Variants in SNX27 observed in about 807,000 individuals in gnomAD.
SNX27 encodes the protein sorting nexin-27.
SNX27 carries 22 observed loss-of-function variants against 71.6 expected under a neutral mutation model. The observed-to-expected ratio is 0.31, with a 90% CI of 0.22 to 0.44. The LOEUF is 0.44. SNX27 is among the 20% of genes least tolerant of loss of function. SNX27 has a pLI of 1.00. For synonymous variants in SNX27, 269 were observed against 277.2 expected (o/e 0.97, Z 0.29); for missense variants, 531 against 698.6 (o/e 0.76, Z 2.70).
At chr1:151,673,468 C>A (rs1440688075) in intron 7 of SNX27, among the ~76,000 whole-genome samples, 1 of 152,108 alleles carries the variant, frequency 6.6e-6, no homozygotes, top group African/African-American at 2.4e-5. Context: ...TGAGAATGAT[C>A]TCTGTGCTGA....
chr1:151,693,920 C>T, intron 11 of SNX27: 2 of 1,363,916 alleles, frequency 1.5e-6, no homozygotes, highest in Non-Finnish European at 9.4e-7. Context: ...TGCTTTACTG[C>T]TGTCTGTATG....
rs115742452 is a variant in SNX27 at position 151,691,686 on chromosome 1, C to A, written c.1240-749C>A. On this transcript the variant is annotated intron_variant, in intron 8 of 11. Transcript: ENST00000458013. ...AGGCTGCAGTGAGACATGGTCATGC[C>A]ACTGCACTCCATCGAGACGGGGTTT... Among the ~76,000 whole-genome samples the A allele has an allele frequency of 3.0e-3, 463 of 151,868 alleles. 1 individual carries two copies. The highest frequency in any genetic ancestry group is 0.011 in the African/African-American group (445 of 41,428).
Position 151,696,161 on chromosome 1 carries a change from A to G in SNX27, c.*1744A>G, listed in dbSNP as rs1343481094. The G allele has an allele frequency of 6.6e-6, 1 of 152,234 alleles. No individual in the cohort carries two copies. The highest frequency in any genetic ancestry group is 1.5e-5 in the Non-Finnish European group (1 of 68,042). The allele number at this position is 152,234 out of a possible 1,614,324, so 9.4% of individuals were successfully genotyped here. A position where few individuals can be genotyped will look rare whatever the true frequency, so the allele number is the denominator to read the frequency against. Reference sequence around the variant, plus strand: ...GCAGCTAGACCCTTTGAGACTTAAGAGCTGCATCCCAGGATCAGAAGCCAG... The same window carrying G: ...GCAGCTAGACCCTTTGAGACTTAAGGGCTGCATCCCAGGATCAGAAGCCAG... On this transcript the variant is annotated 3_prime_UTR_variant, in exon 12 of 12. Coordinates refer to ENST00000458013, the MANE Select transcript of SNX27 (RefSeq NM_001330723.2).
chr1:151,667,143 G>A (rs1423765138), intron 6 of SNX27: 1 of 150,762 alleles, frequency 6.6e-6, no homozygotes, highest in African/African-American at 2.4e-5. Flanking sequence ...GTCCAAGCTA[G>A]GAGGCTGAGG....
intron 6 of SNX27, among the ~76,000 whole-genome samples, chr1:151,668,146 T>C (rs1325131510): frequency 6.6e-6 from 1 of 152,142 alleles, no homozygotes; most frequent in Non-Finnish European, 1.5e-5. Flanking sequence ...TGTGTAGAGA[T>C]CACATTAGGC....
chr1:151,672,475 T>C (rs1340904362), intron 7 of SNX27, among the ~76,000 whole-genome samples: 1 of 152,124 alleles, frequency 6.6e-6, no homozygotes, highest in Non-Finnish European at 1.5e-5. Context: ...TGTCTTTGTC[T>C]GGTTTTGGTA....
rs1459473134 is a variant in SNX27, at chr1:151,683,435, A to G, written c.1229A>G (p.Lys410Arg). ...TTACAGAAGCTATACGAACAAAGAAAAATGGTCATGGTAAGTTTATGTCCC... is the reference window on the plus strand; with the variant it reads ...TTACAGAAGCTATACGAACAAAGAAGAATGGTCATGGTAAGTTTATGTCCC... ...YQLQKLYEQR[K>R]MVMYLNMLRT... The change falls in exon 8 of 12, where the codon AAA (lysine) becomes AGA (arginine). Residue 410 changes from lysine (K) to arginine (R), a missense_variant. This residue lies in a region of SNX27 where 157 missense variants were observed against 178.4 expected (regional missense o/e 0.88). Coordinates refer to ENST00000458013, the MANE Select transcript of SNX27 (RefSeq NM_001330723.2). 11 of 1,613,140 alleles carry G rather than the reference A, an allele frequency of 6.8e-6. No homozygotes were observed. The highest frequency in any genetic ancestry group is 9.3e-6 in the Non-Finnish European group (11 of 1,179,586).
At chr1:151,615,623 C>T (rs1667391540) in intron 1 of SNX27, 1 of 898,900 alleles carries the variant, frequency 1.1e-6, no homozygotes, top group Non-Finnish European at 1.3e-6. Flanking sequence ...CAGGTGGGGT[C>T]AGAATTAGGG....
At chr1:151,675,186 T>C (rs1381234609) in intron 7 of SNX27, among the ~76,000 whole-genome samples, 1 of 152,106 alleles carries the variant, frequency 6.6e-6, no homozygotes, top group South Asian at 2.1e-4. Flanking sequence ...TTACTACTTA[T>C]ATATCCGTGT....
intron 7 of SNX27, among the ~76,000 whole-genome samples, chr1:151,674,854 T>G (rs1292401552): frequency 3.3e-5 from 5 of 152,018 alleles, no homozygotes; most frequent in Admixed American, 3.3e-4. Context: ...ACCCAGCTAA[T>G]TTTTGTATTT....
chr1:151,642,216 G>A (rs113840270), intron 2 of SNX27, among the ~76,000 whole-genome samples: 2 of 151,486 alleles, frequency 1.3e-5, no homozygotes, highest in Admixed American at 6.6e-5. Flanking sequence ...GTGAAACCCC[G>A]TCTCTACTAA....
intron 8 of SNX27, 43 bp from the exon 9 acceptor site, chr1:151,692,392 C>G: frequency 6.8e-7 from 1 of 1,474,608 alleles, no homozygotes; most frequent in Non-Finnish European, 8.9e-7. Flanking sequence ...AACCCTGTTT[C>G]CTGTTTCTCC....
chr1:151,674,260 A>C (rs1465764916), intron 7 of SNX27, among the ~76,000 whole-genome samples: 3 of 152,102 alleles, frequency 2.0e-5, no homozygotes, highest in Non-Finnish European at 4.4e-5. Context: ...ACTCTCTTGT[A>C]ATCTGTTATT....
At chr1:151,627,935 A>G (rs1668021145) in intron 1 of SNX27, among the ~76,000 whole-genome samples, 1 of 151,552 alleles carries the variant, frequency 6.6e-6, no homozygotes, top group Non-Finnish European at 1.5e-5. Context: ...ATACATATAT[A>G]GTAGCCTTTC....
intron 2 of SNX27, among the ~76,000 whole-genome samples, chr1:151,640,135 T>C (rs541554390): frequency 6.6e-6 from 1 of 152,346 alleles, no homozygotes; most frequent in African/African-American, 2.4e-5. Flanking sequence ...TAGCTGTAGA[T>C]AATGGCATAT....
rs145946308 is a variant in SNX27, at chr1:151,621,232, T to C, written c.311+8720T>C. Among the ~76,000 whole-genome samples, 559 of 152,320 alleles carry C rather than the reference T, an allele frequency of 3.7e-3. 1 individual carries two copies. Among genetic ancestry groups the C allele is most frequent in the Non-Finnish European group, 6.4e-3 (437 of 68,022 alleles). On this transcript the variant is annotated intron_variant, in intron 1 of 11. Transcript: ENST00000458013. ...AGGGTTAAATTTTGTGGTATGGTAT[T>C]AGTCAAATGCTAGGTAGTATGTGTG...
intron 2 of SNX27, among the ~76,000 whole-genome samples, chr1:151,652,205 G>GGGGAGGGGGAGAGGGAGA (rs1669432122): frequency 1.6e-5 from 1 of 62,254 alleles, no homozygotes; most frequent in Non-Finnish European, 3.5e-5. Context: ...GGGAGACCGT[G>GGGGAGGGGGAGAGGGAGA]GGGAGAGGGA....
chr1:151,694,240 T>G (rs1275846039), intron 11 of SNX27, 130 bp from the exon 12 acceptor site: 1 of 1,466,466 alleles, frequency 6.8e-7, no homozygotes, highest in Non-Finnish European at 9.0e-7. Context: ...AGATGAGAAG[T>G]TATATCAAGA....
rs558583689 is a variant in SNX27, at chr1:151,688,103, G to A, written c.1240-4332G>A. Among the ~76,000 whole-genome samples, 4 of 152,218 alleles carry A rather than the reference G, an allele frequency of 2.6e-5. No homozygotes were observed. In the South Asian group the frequency reaches 8.3e-4, roughly 32 times the overall value. On this transcript the variant is annotated intron_variant, in intron 8 of 11. Transcript: ENST00000458013. ...ACTTTCTACATGATACATGAATAAAGGAAGATAATTCGGGATACATAGTTA... is the reference window on the plus strand; with the variant it reads ...ACTTTCTACATGATACATGAATAAAAGAAGATAATTCGGGATACATAGTTA...
Sources: allele counts gnomAD v4.1 joint callset (sites outside exome capture counted in the v4.1 genomes callset), GRCh38; gene constraint gnomAD v4.1.1; regional missense constraint gnomAD v4.1.1; transcripts MANE v1.5; gene names NCBI Gene and HGNC (gene_info 2026-07-23, HGNC 2026-07-21).